Variants in FANCB observed in about 807,000 individuals in gnomAD.
The protein encoded by FANCB is Fanconi anemia group B protein.
A neutral mutation model predicts 38.9 loss-of-function variants in FANCB; 5 were observed. That is an observed-to-expected ratio of 0.13 (90% confidence interval 0.07 to 0.27). The LOEUF (loss-of-function observed/expected upper bound fraction) is 0.27, where lower values mean the gene tolerates loss of function less well. Ranked by LOEUF, FANCB falls within the 10% of genes least tolerant of loss-of-function variation. The probability of loss-of-function intolerance (pLI) is 1.00; values close to 1 mark genes in which losing one functional copy is unlikely to be tolerated. For missense variants in FANCB, 573 were observed against 602.7 expected (o/e 0.95, Z 0.52); for synonymous variants, 236 against 215.4 (o/e 1.10, Z -0.84).
chrX:14,854,510 C>T (rs1201678507), intron 5 of FANCB, among the ~76,000 whole-genome samples: 2 of 111,690 alleles, frequency 1.8e-5, no homozygotes, highest in Non-Finnish European at 3.8e-5. Flanking sequence ...TTCCTAGATG[C>T]CCAATCCCGT....
intron 2 of FANCB, among the ~76,000 whole-genome samples, chrX:14,868,292 T>A (rs2092479162): frequency 8.9e-6 from 1 of 111,799 alleles, no homozygotes; most frequent in Admixed American, 9.5e-5. Flanking sequence ...AGCCAAAATA[T>A]GGAATCAACC....
chrX:14,820,831 G>A, the FANCB span, among the ~76,000 whole-genome samples: 4 of 111,508 alleles, frequency 3.6e-5, no homozygotes, highest in African/African-American at 1.3e-4. Context: ...AGGAAAAGCT[G>A]GGGGGATGGT....
chrX:14,867,540 GACCAGACTCCT>G (rs763174693), intron 2 of FANCB, among the ~76,000 whole-genome samples: 1 of 110,655 alleles, frequency 9.0e-6, no homozygotes, highest in Non-Finnish European at 1.9e-5. Context: ...CATATGCAGA[GACCAGACTCCT>G]ACCTCTCACC....
At chrX:14,731,729 A>C in the FANCB span, 2 of 112,052 alleles carry the variant, frequency 1.8e-5, no homozygotes, top group Non-Finnish European at 3.8e-5. Context: ...GTAAAAATAT[A>C]ATAATTAAAT....
At chrX:14,812,674 T>C in the FANCB span, among the ~76,000 whole-genome samples, 1 of 107,832 alleles carries the variant, frequency 9.3e-6, no homozygotes, top group Non-Finnish European at 1.9e-5. Flanking sequence ...CAATAATCAA[T>C]AGCTTACCAA....
the FANCB span, chrX:14,730,747 C>T: frequency 3.0e-6 from 1 of 335,386 alleles, no homozygotes; most frequent in Non-Finnish European, 5.3e-6. Flanking sequence ...TTCTTTCAGT[C>T]AGACATGATA....
At chrX:14,699,783 C>A in the FANCB span, among the ~76,000 whole-genome samples, 3 of 111,562 alleles carry the variant, frequency 2.7e-5, no homozygotes, top group Non-Finnish European at 5.6e-5. Flanking sequence ...CCCATGAGAT[C>A]AAATTTTTTA....
At chrX:14,698,602 C>T in the FANCB span, among the ~76,000 whole-genome samples, 29 of 96,933 alleles carry the variant, frequency 3.0e-4, no homozygotes, top group Middle Eastern at 0.012. Context: ...CACTTGAACC[C>T]GGGAGGTGGA....
the FANCB span, among the ~76,000 whole-genome samples, chrX:14,697,871 T>C: frequency 8.0e-5 from 9 of 112,379 alleles, no homozygotes; most frequent in Non-Finnish European, 1.5e-4. Flanking sequence ...TTGTATGATA[T>C]AAATCCGTTT....
the FANCB span, among the ~76,000 whole-genome samples, chrX:14,797,501 A>T: frequency 2.7e-5 from 3 of 110,260 alleles, no homozygotes; most frequent in Admixed American, 9.7e-5. Flanking sequence ...GGCCAACATG[A>T]TGAAACCCCA....
the FANCB span, among the ~76,000 whole-genome samples, chrX:14,745,431 C>T: frequency 0.063 from 7,033 of 111,001 alleles, 279 homozygotes; most frequent in African/African-American, 0.13. Context: ...TCCTAGGATA[C>T]GACCATTTGC....
At chrX:14,853,567 T>C (rs2092410884) in intron 5 of FANCB, among the ~76,000 whole-genome samples, 1 of 112,209 alleles carries the variant, frequency 8.9e-6, no homozygotes, top group Non-Finnish European at 1.9e-5. Flanking sequence ...GGCATCCACA[T>C]AAGCAAAGAC....
chrX:14,768,777 G>A, the FANCB span, among the ~76,000 whole-genome samples: 1 of 111,188 alleles, frequency 9.0e-6, no homozygotes, highest in Admixed American at 9.6e-5. Flanking sequence ...TGCCCATTCA[G>A]TATGATATTG....
chrX:14,742,396 A>G, the FANCB span, among the ~76,000 whole-genome samples: 1 of 111,665 alleles, frequency 9.0e-6, no homozygotes, highest in Non-Finnish European at 1.9e-5. Context: ...ACAGTTTGAG[A>G]AGTCACATTG....
At chrX:14,807,092 C>T in the FANCB span, among the ~76,000 whole-genome samples, 1 of 111,906 alleles carries the variant, frequency 8.9e-6, no homozygotes, top group African/African-American at 3.2e-5. Context: ...ATTCAGGAAA[C>T]TAAATCAAAT....
the FANCB span, among the ~76,000 whole-genome samples, chrX:14,824,141 C>T: frequency 3.6e-5 from 4 of 111,665 alleles, no homozygotes; most frequent in Non-Finnish European, 7.5e-5. Flanking sequence ...GTTTCAATCC[C>T]TTGTGCACCC....
intron 3 of FANCB, among the ~76,000 whole-genome samples, chrX:14,860,059 T>C (rs1228239279): frequency 9.0e-6 from 1 of 111,060 alleles, no homozygotes; most frequent in Non-Finnish European, 1.9e-5. Flanking sequence ...GACCTCAAGT[T>C]TAAAATAGAG....
chrX:14,690,940 A>G, the FANCB span: 1 of 1,019,876 alleles, frequency 9.8e-7, no homozygotes, highest in Non-Finnish European at 1.4e-6. Context: ...AGAAGAGCAC[A>G]CAATAAGCAA....
the FANCB span, among the ~76,000 whole-genome samples, chrX:14,700,456 G>C: frequency 3.1e-4 from 35 of 111,542 alleles, 1 homozygote; most frequent in East Asian, 9.3e-3. Context: ...GAGCCCATGA[G>C]AGAGACAGAG....
Sources: gnomAD v4.1 joint callset for allele counts (sites outside exome capture counted in the v4.1 genomes callset) on GRCh38, gnomAD v4.1.1 for gene constraint, MANE v1.5 for transcripts, NCBI Gene and HGNC (gene_info 2026-07-23, HGNC 2026-07-21) for gene names.